The following WDPCP variants were observed in gnomAD, a reference collection of about 807,000 sequenced individuals.
WDPCP encodes WD repeat-containing and planar cell polarity effector protein fritz homolog.
In WDPCP, 71 loss-of-function variants were observed where a neutral mutation model predicts 93.1. The ratio of observed to expected loss-of-function variants is 0.76; its 90% CI spans 0.63 to 0.93. The LOEUF is 0.93. Among genes scored for constraint, WDPCP ranks in the 40% least tolerant of loss-of-function variants. WDPCP has a pLI of 0.00. For synonymous variants in WDPCP, 315 were observed against 315.0 expected, an observed-to-expected ratio of 1.00 and a Z score of 0.00; for missense variants, 844 against 887.4, an observed-to-expected ratio of 0.95 and a Z score of 0.62.
At chr2:63,750,184 G>A (rs760514720) in intron 2 of WDPCP, among the ~76,000 whole-genome samples, 7 of 152,016 alleles carry the variant, frequency 4.6e-5, no homozygotes, top group Non-Finnish European at 8.8e-5. Flanking sequence ...GACACAGGGA[G>A]GCATCAGAAT....
intron 1 of WDPCP, among the ~76,000 whole-genome samples, chr2:63,574,138 T>G (rs970685846): frequency 6.6e-6 from 1 of 152,200 alleles, no homozygotes; most frequent in Non-Finnish European, 1.5e-5. Flanking sequence ...TATTACCTTG[T>G]GCAGCACGTG....
At chr2:63,778,559 G>A (rs1416250755) in intron 2 of WDPCP, among the ~76,000 whole-genome samples, 1 of 152,094 alleles carries the variant, frequency 6.6e-6, no homozygotes, top group Non-Finnish European at 1.5e-5. Flanking sequence ...CAACTAAAAT[G>A]TCTCGACCTC....
At chr2:63,129,091 T>C (rs1313858506) in intron 17 of WDPCP, among the ~76,000 whole-genome samples, 3 of 152,266 alleles carry the variant, frequency 2.0e-5, no homozygotes. Flanking sequence ...ATCCATGCTG[T>C]AGCAGGTATC....
intron 2 of WDPCP, among the ~76,000 whole-genome samples, chr2:63,782,760 G>GTGTGTGTGTGTGTGTGTTTGTGTGTT: frequency 1.3e-5 from 2 of 151,718 alleles, no homozygotes; most frequent in East Asian, 3.9e-4. Context: ...GTGTGTGTGT[G>GTGTGTGTGTGTGTGTGTTTGTGTGTT]TGTGTGTGTG....
At chr2:63,350,491 A>T (rs1575201394) in intron 12 of WDPCP, among the ~76,000 whole-genome samples, 1 of 145,852 alleles carries the variant, frequency 6.9e-6, no homozygotes, top group Non-Finnish European at 1.5e-5. Flanking sequence ...AAAAAAAAAA[A>T]TACTGTGTGC....
chr2:63,679,727 A>G (rs1710469248), intron 2 of WDPCP, among the ~76,000 whole-genome samples: 1 of 152,080 alleles, frequency 6.6e-6, no homozygotes, highest in Non-Finnish European at 1.5e-5. Context: ...GATCCCAGAT[A>G]TGAGTAACCA....
chr2:63,191,909 A>T (rs1675076399), intron 14 of WDPCP, among the ~76,000 whole-genome samples: 1 of 152,206 alleles, frequency 6.6e-6, no homozygotes, highest in Non-Finnish European at 1.5e-5. Context: ...GTTTGTTTAC[A>T]TATTGTCTAA....
rs34553510 is a variant in WDPCP, at chr2:63,303,970, CA to C, written c.1812+9277del. On this transcript the variant is annotated intron_variant, in intron 13 of 17. Coordinates refer to ENST00000272321, the MANE Select transcript of WDPCP (RefSeq NM_015910.7). Reference sequence around the variant, plus strand: ...CTCAGAATGGCTATTAGTAAAAAGTCAAAAAAAAAAAAAAAACAGATGTAGG... The same window carrying C: ...CTCAGAATGGCTATTAGTAAAAAGTCAAAAAAAAAAAAAAACAGATGTAGG... Among the ~76,000 whole-genome samples the C allele has an allele frequency of 1.5e-3, 196 of 131,334 alleles. 1 individual carries two copies. The highest frequency in any genetic ancestry group is 8.0e-3 in the Middle Eastern group (2 of 250). 86.2% of individuals were successfully genotyped at this position (131,334 alleles called of 152,430 possible).
intron 6 of WDPCP, among the ~76,000 whole-genome samples, chr2:63,470,895 C>T (rs1354672565): frequency 1.3e-5 from 2 of 152,066 alleles, no homozygotes; most frequent in Non-Finnish European, 2.9e-5. Context: ...GCCTTTGTAC[C>T]TGTTGTTCCC....
intron 1 of WDPCP, among the ~76,000 whole-genome samples, chr2:63,568,567 C>A (rs371926975): frequency 6.6e-6 from 1 of 152,180 alleles, no homozygotes; most frequent in Admixed American, 6.6e-5. Context: ...AGTTTTGCCA[C>A]GAGAGTACAC....
chr2:63,708,275 A>C (rs1669199710), intron 2 of WDPCP, among the ~76,000 whole-genome samples: 1 of 152,152 alleles, frequency 6.6e-6, no homozygotes, highest in Admixed American at 6.5e-5. Context: ...TGGGCTCCAC[A>C]CAGTTTGAGC....
chr2:63,444,797 C>T (rs917776390), intron 6 of WDPCP, among the ~76,000 whole-genome samples: 5 of 152,166 alleles, frequency 3.3e-5, no homozygotes, highest in Non-Finnish European at 7.4e-5. Context: ...CAAATAGAAA[C>T]CGAAACTCTT....
chr2:63,756,763 A>G (rs779544241), intron 2 of WDPCP, among the ~76,000 whole-genome samples: 99 of 152,352 alleles, frequency 6.5e-4, no homozygotes, highest in Non-Finnish European at 1.2e-3. Context: ...GAACTTAGCC[A>G]ACATTTATAT....
At chr2:63,146,014 T>C (rs182328185) in intron 17 of WDPCP, among the ~76,000 whole-genome samples, 1 of 152,274 alleles carries the variant, frequency 6.6e-6, no homozygotes, top group East Asian at 1.9e-4. Flanking sequence ...GGCTTGGCTA[T>C]TGTTGGTGTA....
intron 2 of WDPCP, among the ~76,000 whole-genome samples, chr2:63,664,772 A>G (rs1710264975): frequency 1.3e-5 from 2 of 152,348 alleles, no homozygotes; most frequent in East Asian, 1.9e-4. Context: ...TTGAGCACCT[A>G]TATGTTCAGC....
intron 9 of WDPCP, among the ~76,000 whole-genome samples, chr2:63,408,561 C>A (rs992807914): frequency 1.3e-5 from 2 of 152,096 alleles, no homozygotes; most frequent in Admixed American, 6.5e-5. Context: ...TGTAACAATT[C>A]GAACAGGACA....
chr2:63,244,751 C>G (rs1184934090), intron 14 of WDPCP, among the ~76,000 whole-genome samples: 1 of 152,142 alleles, frequency 6.6e-6, no homozygotes, highest in Admixed American at 6.5e-5. Flanking sequence ...TTCTGAGGTA[C>G]AGCCACATTT....
At chr2:63,355,442 T>C (rs1689949500) in intron 12 of WDPCP, among the ~76,000 whole-genome samples, 1 of 152,164 alleles carries the variant, frequency 6.6e-6, no homozygotes, top group Non-Finnish European at 1.5e-5. Context: ...ACAAGAGATC[T>C]TGAAAGGAGC....
chr2:63,703,327 C>T lies in WDPCP; in HGVS notation n.309-52489G>A, dbSNP rs536240997. On this transcript the variant is annotated intron_variant and non_coding_transcript_variant, in intron 2 of 4. Transcript: ENST00000467687. ...CTTCCACAATGGTTGAACTAGTTTA[C>T]AGTCCCATCAACAGTGTAAAAGTGT... Among the ~76,000 whole-genome samples the T allele has an allele frequency of 2.0e-5, 3 of 152,332 alleles. No individual in the cohort carries two copies. The East Asian group carries it at 5.8e-4, about 29-fold the overall frequency.
Sources: allele counts gnomAD v4.1 joint callset (sites outside exome capture counted in the v4.1 genomes callset), GRCh38; gene constraint gnomAD v4.1.1; transcripts MANE v1.5; gene names NCBI Gene and HGNC (gene_info 2026-07-23, HGNC 2026-07-21).